Variants in PMFBP1 observed in about 807,000 individuals in gnomAD.
PMFBP1 encodes polyamine modulated factor 1 binding protein 1, also known as polyamine-modulated factor 1-binding protein 1.
A neutral mutation model predicts 137.8 loss-of-function variants in PMFBP1; 131 were observed. The ratio of observed to expected loss-of-function variants is 0.95; its 90% CI spans 0.82 to 1.10. The LOEUF is 1.10. PMFBP1 is among the 50% of genes least tolerant of loss of function. The pLI, the probability that PMFBP1 is intolerant of heterozygous loss-of-function variation, is 0.00. For synonymous variants in PMFBP1, 490 were observed against 450.4 expected, an observed-to-expected ratio of 1.09 and a Z score of -1.11; for missense variants, 1,199 against 1,175.4, an observed-to-expected ratio of 1.02 and a Z score of -0.29.
chr16:72,220,557 T>C, the PMFBP1 span, among the ~76,000 whole-genome samples: 2 of 152,202 alleles, frequency 1.3e-5, no homozygotes, highest in East Asian at 3.9e-4. Context: ...TTCTTTTGCA[T>C]TTCCTAGATT....
chr16:72,229,813 C>G, the PMFBP1 span, among the ~76,000 whole-genome samples: 2 of 152,084 alleles, frequency 1.3e-5, no homozygotes, highest in Non-Finnish European at 2.9e-5. Flanking sequence ...GCTGAAGAAG[C>G]CAATATTTGA....
intron 19 of PMFBP1, among the ~76,000 whole-genome samples, chr16:72,120,573 G>C (rs1273517271): frequency 6.6e-6 from 1 of 152,212 alleles, no homozygotes; most frequent in Non-Finnish European, 1.5e-5. Flanking sequence ...GGGAGCACAG[G>C]AGATCCCAGC....
intron 5 of PMFBP1, among the ~76,000 whole-genome samples, chr16:72,141,786 A>G (rs535850783): frequency 6.6e-6 from 1 of 152,226 alleles, no homozygotes; most frequent in East Asian, 1.9e-4. Context: ...GTGTACATTA[A>G]ATTCATAGAA....
At chr16:72,117,928 C>T (rs1035918276), downstream of PMFBP1, among the ~76,000 whole-genome samples, 5 of 152,188 alleles carry the variant, frequency 3.3e-5, no homozygotes, top group Non-Finnish European at 7.3e-5. Flanking sequence ...CTGTCACAGT[C>T]GGATGGCTGG....
intron 1 of PMFBP1, 47 bp from the exon 2 acceptor site, chr16:72,171,315 C>T: frequency 7.6e-7 from 1 of 1,309,252 alleles, no homozygotes; most frequent in Non-Finnish European, 1.1e-6. Flanking sequence ...AAATGAGCCT[C>T]TGCCCTTTAA....
chr16:72,219,521 T>A, the PMFBP1 span, among the ~76,000 whole-genome samples: 1 of 150,758 alleles, frequency 6.6e-6, no homozygotes, highest in Non-Finnish European at 1.5e-5. Context: ...AAGACTGATG[T>A]CTGGTGCCTA....
At chr16:72,123,480 A>G in intron 18 of PMFBP1, 66 bp downstream of exon 18, 1 of 1,393,242 alleles carries the variant, frequency 7.2e-7, no homozygotes, top group Non-Finnish European at 1.0e-6. Flanking sequence ...AATCTTTGGC[A>G]CGCATGTGGC....
the PMFBP1 span, among the ~76,000 whole-genome samples, chr16:72,234,105 AT>A: frequency 4.6e-5 from 7 of 152,274 alleles, no homozygotes; most frequent in African/African-American, 1.7e-4. Flanking sequence ...TAGGAGTGGA[AT>A]TACTGGTCAT....
At chr16:72,184,726 T>C in the PMFBP1 span, among the ~76,000 whole-genome samples, 1 of 152,366 alleles carries the variant, frequency 6.6e-6, no homozygotes, top group East Asian at 1.9e-4. Context: ...CTACTTCATT[T>C]GTTCCAGCCC....
At chr16:72,184,421 CCT>C in the PMFBP1 span, among the ~76,000 whole-genome samples, 3 of 152,218 alleles carry the variant, frequency 2.0e-5, no homozygotes, top group Non-Finnish European at 4.4e-5. Context: ...ACCTGCTTCT[CCT>C]CTGATATCAC....
At chr16:72,194,520 G>A in the PMFBP1 span, among the ~76,000 whole-genome samples, 1 of 152,168 alleles carries the variant, frequency 6.6e-6, no homozygotes, top group Non-Finnish European at 1.5e-5. Context: ...AGTGCTATCT[G>A]TGTTTCTTAA....
the PMFBP1 span, among the ~76,000 whole-genome samples, chr16:72,212,814 C>A: frequency 6.6e-6 from 1 of 152,132 alleles, no homozygotes; most frequent in Non-Finnish European, 1.5e-5. Context: ...AAAAAAGATC[C>A]TGAAAGTTTC....
At chr16:72,122,296 T>G (rs2042387750) in intron 19 of PMFBP1, among the ~76,000 whole-genome samples, 1 of 152,346 alleles carries the variant, frequency 6.6e-6, no homozygotes, top group South Asian at 2.1e-4. Flanking sequence ...AAGTGTTCCC[T>G]AAGAAAAGGT....
chr16:72,164,342 C>A (rs1410486860), intron 3 of PMFBP1: 3 of 1,170,576 alleles, frequency 2.6e-6, no homozygotes, highest in South Asian at 1.3e-5. Context: ...GCAATAAAGA[C>A]CCCCTGCTAC....
At chr16:72,237,373 CT>C in the PMFBP1 span, among the ~76,000 whole-genome samples, 1 of 152,026 alleles carries the variant, frequency 6.6e-6, no homozygotes, top group African/African-American at 2.4e-5. Flanking sequence ...ATGCTTTCCA[CT>C]AGGGTTTGGC....
chr16:72,154,293 A>G lies in PMFBP1; in HGVS notation c.332T>C (p.Leu111Pro). Reference sequence around the variant, plus strand: ...CTCTAGGATGGACTGATACTGGCGGAGAGAATAGTAAGAAGTCTGCAACTC... The same window carrying G: ...CTCTAGGATGGACTGATACTGGCGGGGAGAATAGTAAGAAGTCTGCAACTC... Reference protein sequence around the residue: ...TEELQTSYYSLRQYQSILEKQ... With the variant: ...TEELQTSYYSPRQYQSILEKQ... Residue 111 changes from leucine (L) to proline (P), a missense_variant, in exon 4 of 21, where the codon CTC (leucine) becomes CCC (proline). By Grantham distance (98) the Leu-to-Pro change is moderately conservative. Transcript: ENST00000237353. 6.2e-7 allele frequency: 1 copy of G among 1,614,130 alleles called. No homozygotes were observed. The highest frequency in any genetic ancestry group is 2.2e-5 in the East Asian group (1 of 44,874).
chr16:72,193,180 A>G, the PMFBP1 span, among the ~76,000 whole-genome samples: 2 of 152,192 alleles, frequency 1.3e-5, no homozygotes, highest in East Asian at 3.9e-4. Flanking sequence ...TGAGGCCAGG[A>G]GCTCGAGACC....
chr16:72,210,613 T>C, the PMFBP1 span, among the ~76,000 whole-genome samples: 1 of 152,310 alleles, frequency 6.6e-6, no homozygotes, highest in East Asian at 1.9e-4. Flanking sequence ...AATATTCTTT[T>C]TCAAGCTTTG....
At chr16:72,152,376 ACAC>A (rs1370840247) in intron 4 of PMFBP1, among the ~76,000 whole-genome samples, 2 of 152,084 alleles carry the variant, frequency 1.3e-5, no homozygotes, top group African/African-American at 2.4e-5. Context: ...ACCTCCTAAA[ACAC>A]CACATTTCCT....
Sources: gnomAD v4.1 joint callset for allele counts (sites outside exome capture counted in the v4.1 genomes callset) on GRCh38, gnomAD v4.1.1 for gene constraint, MANE v1.5 for transcripts, NCBI Gene and HGNC (gene_info 2026-07-23, HGNC 2026-07-21) for gene names.